MYH11: variants seen among roughly 807,000 people sequenced by gnomAD.
MYH11 encodes the protein myosin heavy chain 11, also known as myosin-11.
In MYH11, 80 loss-of-function variants were observed where a neutral mutation model predicts 246.6. That is an observed-to-expected ratio of 0.32 (90% CI 0.27 to 0.39). The LOEUF (loss-of-function observed/expected upper bound fraction) is 0.39. Among genes scored for constraint, MYH11 ranks in the 10% least tolerant of loss-of-function variants. MYH11 has a pLI of 1.00. For missense variants in MYH11, 2,158 were observed against 2,546.8 expected, an observed-to-expected ratio of 0.85 and a Z score of 3.29; for synonymous variants, 1,071 against 1,015.5, an observed-to-expected ratio of 1.05 and a Z score of -1.04.
At position 15,765,195 on chromosome 16, in the gene MYH11, A is replaced by AATGG. The variant is rs570532927; in HGVS notation, c.1034-1308_1034-1305dup. Among the ~76,000 whole-genome samples, 792 of 150,844 alleles carry AATGG rather than the reference A, an allele frequency of 5.3e-3. 13 individuals are homozygous for AATGG. The highest frequency in any genetic ancestry group is 0.018 in the African/African-American group (738 of 41,312). ...TGGATAGAGGATGGGTTCATGGATGAATGGACGGATGGATGGATGGGTGGG... is the reference window on the plus strand; with the variant it reads ...TGGATAGAGGATGGGTTCATGGATGAATGGATGGACGGATGGATGGATGGGTGGG... On this transcript the variant is annotated intron_variant, in intron 9 of 40. Transcript: ENST00000300036.
chr16:15,717,039 C>G (rs914548575), intron 38 of MYH11, 101 bp downstream of exon 38: 1 of 1,302,154 alleles, frequency 7.7e-7, no homozygotes, highest in Non-Finnish European at 1.1e-6. Flanking sequence ...TTGCTTCTTA[C>G]AAGCCAGAAC....
At chr16:15,704,173 G>A in intron 40 of MYH11, 50 bp from the exon 41 acceptor site, 1 of 1,607,962 alleles carries the variant, frequency 6.2e-7, no homozygotes, top group Non-Finnish European at 8.5e-7. Flanking sequence ...CTTCATGGTT[G>A]GGATAGATTT....
intron 5 of MYH11, chr16:15,785,379 GT>G (rs2042445014): frequency 6.6e-6 from 1 of 152,024 alleles, no homozygotes; most frequent in African/African-American, 2.4e-5. Context: ...TGGAAACTGT[GT>G]TTAAACTGCC....
Position 15,718,387 on chromosome 16 carries a change from C to T in MYH11, c.5223G>A (p.Leu1741=). 6.2e-7 allele frequency: 1 copy of T among 1,603,340 alleles called. No individual in the cohort carries two copies. Among genetic ancestry groups the T allele is most frequent in the Non-Finnish European group, 8.5e-7 (1 of 1,176,984 alleles). The part of the protein sequence containing the change: ...KRRLEARIAQ[L]EEELEEEQGN... Reference sequence around the variant, plus strand: ...CCTGCTCCTCCTCCAGCTCCTCCTCCAGCTGGGCGATCCGGGCCTCCAGGC... The same window carrying T: ...CCTGCTCCTCCTCCAGCTCCTCCTCTAGCTGGGCGATCCGGGCCTCCAGGC... The change falls in exon 37 of 41, where the codon CTG becomes CTA. Residue 1741 remains leucine, a synonymous_variant. Transcript: ENST00000300036.
At chr16:15,800,720 T>TA (rs1211407343) in intron 3 of MYH11, among the ~76,000 whole-genome samples, 1 of 151,836 alleles carries the variant, frequency 6.6e-6, no homozygotes, top group African/African-American at 2.4e-5. Flanking sequence ...TCTGTAATCT[T>TA]AAGAGAGAAC....
intron 10 of MYH11, among the ~76,000 whole-genome samples, chr16:15,760,946 C>G (rs2041854460): frequency 6.6e-6 from 1 of 152,134 alleles, no homozygotes; most frequent in Non-Finnish European, 1.5e-5. Flanking sequence ...TTCACACTTC[C>G]AAGTCATGTG....
intron 5 of MYH11, chr16:15,784,913 A>C: frequency 1.6e-6 from 1 of 612,168 alleles, no homozygotes; most frequent in East Asian, 2.9e-5. Context: ...AGCTCACTGC[A>C]GTCTCAACCT....
chr16:15,714,637 T>C (rs1434230282), intron 40 of MYH11: 2 of 573,106 alleles, frequency 3.5e-6, no homozygotes, highest in Non-Finnish European at 6.3e-6. Flanking sequence ...GGGGATAGCC[T>C]CTTCCTCCTC....
chr16:15,757,677 G>T lies in MYH11; in HGVS notation c.1575+150C>A. The stretch of plus-strand genomic sequence containing the variant: ...AATGGAAATTGTAAGAGTTCACAAG[G>T]ATTCAGCTTACAGCCTTTCAGGACT... On this transcript the variant is annotated intron_variant, in intron 13 of 40. Transcript: ENST00000300036. 3 of 957,840 alleles carry T rather than the reference G, an allele frequency of 3.1e-6. No individual in the cohort carries two copies. The South Asian group carries it at 4.3e-5, about 14-fold the overall frequency. 59.3% of individuals were successfully genotyped at this position (957,840 alleles called of 1,614,324 possible).
Position 15,823,414 on chromosome 16 carries a change from G to A in MYH11, c.346-3C>T, listed in dbSNP as rs756285176. The A allele has an allele frequency of 2.5e-6, 4 of 1,614,186 alleles. No individual in the cohort carries two copies. The South Asian group carries it at 4.4e-5, about 18-fold the overall frequency. ...ACGCAGAAGAGGCCAGAGTACGTCTGCAGACAGAGAACCCAGCTTACTTCC... is the reference window on the plus strand; with the variant it reads ...ACGCAGAAGAGGCCAGAGTACGTCTACAGACAGAGAACCCAGCTTACTTCC... On this transcript the variant is annotated splice_region_variant and splice_polypyrimidine_tract_variant and intron_variant, in intron 2 of 40. Transcript: ENST00000300036.
At chr16:15,798,157 G>T (rs567137818) in intron 4 of MYH11, among the ~76,000 whole-genome samples, 1 of 152,288 alleles carries the variant, frequency 6.6e-6, no homozygotes, top group South Asian at 2.1e-4. Context: ...CTCTCTCAAT[G>T]ATTCTAAAAT....
chr16:15,842,445 A>G (rs1018779429), intron 1 of MYH11, among the ~76,000 whole-genome samples: 1 of 151,954 alleles, frequency 6.6e-6, no homozygotes, highest in South Asian at 2.1e-4. Flanking sequence ...TTCTGCTGGG[A>G]GACCTGATAT....
intron 1 of MYH11, among the ~76,000 whole-genome samples, chr16:15,844,475 G>A (rs2044137471): frequency 1.3e-5 from 2 of 152,138 alleles, no homozygotes; most frequent in African/African-American, 4.8e-5. Flanking sequence ...TGACATTACA[G>A]GTGTGAGCCA....
At chr16:15,828,569 G>A (rs921670973) in intron 2 of MYH11, among the ~76,000 whole-genome samples, 6 of 152,172 alleles carry the variant, frequency 3.9e-5, no homozygotes, top group African/African-American at 1.4e-4. Flanking sequence ...AAGGAGGTCA[G>A]ATCACTTGAG....
chr16:15,839,777 C>T (rs1235123198), intron 1 of MYH11, among the ~76,000 whole-genome samples: 2 of 151,852 alleles, frequency 1.3e-5, no homozygotes, highest in African/African-American at 4.8e-5. Context: ...AGGCCATGCA[C>T]GGTGGCTCAC....
chr16:15,831,103 G>C (rs573251565), intron 2 of MYH11, among the ~76,000 whole-genome samples: 1 of 152,040 alleles, frequency 6.6e-6, no homozygotes, highest in Non-Finnish European at 1.5e-5. Context: ...ACCTGGGAGG[G>C]GGCTGTTGCA....
chr16:15,842,762 C>CAAAAAAAAAAAAAAAA (rs757920488), intron 1 of MYH11, among the ~76,000 whole-genome samples: 2 of 19,672 alleles, frequency 1.0e-4, no homozygotes, highest in Non-Finnish European at 1.4e-4. Flanking sequence ...AGACTTCATC[C>CAAAAAAAAAAAAAAAA]AAAAAAAAAA....
At chr16:15,837,186 A>T (rs1378733044) in intron 2 of MYH11, among the ~76,000 whole-genome samples, 1 of 152,170 alleles carries the variant, frequency 6.6e-6, no homozygotes, top group Admixed American at 6.6e-5. Context: ...AGGCCTCCCT[A>T]AAACCTAGCC....
At chr16:15,826,996 CAAAAAAAAAAAAA>C (rs10573425) in intron 2 of MYH11, among the ~76,000 whole-genome samples, 1 of 57,982 alleles carries the variant, frequency 1.7e-5, no homozygotes, top group African/African-American at 5.1e-5. Flanking sequence ...GAACCCATCT[CAAAAAAAAAAAAA>C]AAAAAAAAAA....
Sources: allele counts gnomAD v4.1 joint callset (sites outside exome capture counted in the v4.1 genomes callset), GRCh38; gene constraint gnomAD v4.1.1; transcripts MANE v1.5; gene names NCBI Gene and HGNC (gene_info 2026-07-23, HGNC 2026-07-21).